The following MACROD2 variants were observed in gnomAD, a reference collection of about 807,000 sequenced individuals.
The protein encoded by MACROD2 is ADP-ribose glycohydrolase MACROD2.
Under a neutral mutation model 70.4 loss-of-function variants are expected in MACROD2, and 36 were observed. That is an observed-to-expected ratio of 0.51 (90% CI 0.39 to 0.68). The LOEUF (loss-of-function observed/expected upper bound fraction) is 0.68. MACROD2 is among the 30% of genes least tolerant of loss of function. The probability of loss-of-function intolerance (pLI) is 0.00; values close to 1 mark genes in which losing one functional copy is unlikely to be tolerated. For missense variants in MACROD2, 496 were observed against 538.4 expected, an observed-to-expected ratio of 0.92 and a Z score of 0.78; for synonymous variants, 172 against 178.8, an observed-to-expected ratio of 0.96 and a Z score of 0.30.
intron 6 of MACROD2, among the ~76,000 whole-genome samples, chr20:15,385,512 CCTGTTTATTTCCCTACAT>C (rs1310013248): frequency 1.6e-4 from 24 of 152,070 alleles, no homozygotes; most frequent in Admixed American, 1.3e-4. Context: ...GACATACTTA[CCTGTTTATTTCCCTACAT>C]CTGTTTATTT....
intron 5 of MACROD2, among the ~76,000 whole-genome samples, chr20:15,193,801 G>A (rs2076587398): frequency 6.6e-6 from 1 of 151,864 alleles, no homozygotes; most frequent in Non-Finnish European, 1.5e-5. Context: ...ATGTACAAAG[G>A]AGCGGGTGAG....
intron 6 of MACROD2, among the ~76,000 whole-genome samples, chr20:15,422,073 A>C (rs1165136511): frequency 6.6e-6 from 1 of 152,152 alleles, no homozygotes; most frequent in Admixed American, 6.5e-5. Flanking sequence ...GAACAAAAGG[A>C]GACCAATGTG....
At chr20:14,214,771 A>C (rs555426578) in intron 3 of MACROD2, among the ~76,000 whole-genome samples, 36 of 151,898 alleles carry the variant, frequency 2.4e-4, no homozygotes, top group Non-Finnish European at 8.8e-5. Context: ...TCTTTCCCCC[A>C]AGTACCCAGA....
chr20:15,634,258 G>A (rs1375408346), intron 8 of MACROD2, among the ~76,000 whole-genome samples: 1 of 152,198 alleles, frequency 6.6e-6, no homozygotes, highest in African/African-American at 2.4e-5. Context: ...TATTGGAGTG[G>A]CTAATTGGAA....
intron 3 of MACROD2, among the ~76,000 whole-genome samples, chr20:14,195,025 C>T (rs1399144777): frequency 6.6e-6 from 1 of 151,980 alleles, no homozygotes; most frequent in Non-Finnish European, 1.5e-5. Flanking sequence ...CTCAGAAGAT[C>T]CTTTTTTCCT....
intron 6 of MACROD2, among the ~76,000 whole-genome samples, chr20:15,328,720 C>G (rs1242620543): frequency 2.6e-5 from 4 of 152,066 alleles, no homozygotes; most frequent in Non-Finnish European, 5.9e-5. Flanking sequence ...AATTGAATTC[C>G]TTAGATGCCA....
Position 14,073,334 on chromosome 20 carries a change from CA to C in MACROD2, c.164-12275del, listed in dbSNP as rs879879856. ...CTGGTGACAGAGTGAGACTCCATCT[CA>C]AAAAAAAAAAATGAAATTATGATTC... On this transcript the variant is annotated intron_variant, in intron 2 of 17. Coordinates refer to ENST00000684519, the MANE Select transcript of MACROD2 (RefSeq NM_001351661.2). Among the ~76,000 whole-genome samples, 342 of 130,226 alleles carry C rather than the reference CA, an allele frequency of 2.6e-3. 1 individual carries two copies. The highest frequency in any genetic ancestry group is 0.012 in the Middle Eastern group (3 of 244). The allele number at this position is 130,226 out of a possible 152,430, so 85.4% of individuals were successfully genotyped here. A position where few individuals can be genotyped will look rare whatever the true frequency, so the allele number is the denominator to read the frequency against.
chr20:15,724,727 C>T (rs1349243617), intron 8 of MACROD2, among the ~76,000 whole-genome samples: 1 of 152,094 alleles, frequency 6.6e-6, no homozygotes, highest in African/African-American at 2.4e-5. Context: ...GTCTGTCTTC[C>T]AGCTTTGTTC....
chr20:14,438,265 A>G (rs1168183136), intron 3 of MACROD2, among the ~76,000 whole-genome samples: 3 of 152,186 alleles, frequency 2.0e-5, no homozygotes, highest in Non-Finnish European at 2.9e-5. Context: ...TCTTTAAGGC[A>G]GAATAATATT....
chr20:15,292,919 A>T (rs2077553988), intron 6 of MACROD2, among the ~76,000 whole-genome samples: 1 of 152,164 alleles, frequency 6.6e-6, no homozygotes, highest in African/African-American at 2.4e-5. Flanking sequence ...AATTCTTAAC[A>T]TCAGGTTTGG....
Position 14,859,766 on chromosome 20 carries a change from A to G in MACROD2, c.418+174807A>G, listed in dbSNP as rs560215895. On this transcript the variant is annotated intron_variant, in intron 5 of 17. Transcript: ENST00000684519. The stretch of plus-strand genomic sequence containing the variant: ...GTTTCAACTTACTAGTTAGCTCTGT[A>G]AATATCATTTATGAGACTGACCCAT... Among the ~76,000 whole-genome samples the G allele has an allele frequency of 2.0e-5, 3 of 152,266 alleles. No individual in the cohort carries two copies. The East Asian group carries it at 5.8e-4, about 29-fold the overall frequency.
chr20:15,378,897 G>A (rs73267079), intron 6 of MACROD2, among the ~76,000 whole-genome samples: 1,764 of 152,220 alleles, frequency 0.012, 33 homozygotes, highest in African/African-American at 0.04. Flanking sequence ...TCATAAAACT[G>A]CAAAGATGAC....
At chr20:15,220,140 G>C (rs1023313513) in intron 5 of MACROD2, among the ~76,000 whole-genome samples, 1 of 152,104 alleles carries the variant, frequency 6.6e-6, no homozygotes, top group African/African-American at 2.4e-5. Flanking sequence ...TTTCTATGAA[G>C]AAACAGCTTT....
At chr20:14,233,529 A>G (rs1601382147) in intron 3 of MACROD2, among the ~76,000 whole-genome samples, 1 of 9,468 alleles carries the variant, frequency 1.1e-4, no homozygotes, top group African/African-American at 1.4e-4. Context: ...CGTCTCTACT[A>G]AAAAAAAAAA....
At chr20:14,984,089 C>A (rs2074826878) in intron 5 of MACROD2, among the ~76,000 whole-genome samples, 1 of 152,168 alleles carries the variant, frequency 6.6e-6, no homozygotes, top group Non-Finnish European at 1.5e-5. Flanking sequence ...ACTCTGAATA[C>A]CTACTTAAGT....
chr20:14,519,101 G>C (rs1467858937), intron 4 of MACROD2, among the ~76,000 whole-genome samples: 8 of 152,102 alleles, frequency 5.3e-5, no homozygotes, highest in Non-Finnish European at 1.0e-4. Context: ...AATGACTAAA[G>C]TACTAAGTTA....
intron 5 of MACROD2, among the ~76,000 whole-genome samples, chr20:14,930,591 G>A (rs559527885): frequency 4.6e-5 from 7 of 152,064 alleles, no homozygotes. Context: ...GATGGTGCAT[G>A]TCAAATGCCT....
chr20:15,451,921 C>T (rs541717914), intron 7 of MACROD2, among the ~76,000 whole-genome samples: 8 of 152,194 alleles, frequency 5.3e-5, no homozygotes, highest in East Asian at 3.9e-4. Context: ...GAGAAAGAGG[C>T]GCTAGATAGT....
chr20:15,212,760 A>G (rs2076775323), intron 5 of MACROD2, among the ~76,000 whole-genome samples: 2 of 151,924 alleles, frequency 1.3e-5, no homozygotes, highest in South Asian at 4.2e-4. Context: ...ATATAGTACA[A>G]CTCTACATTT....
Sources: gnomAD v4.1 joint callset for allele counts (sites outside exome capture counted in the v4.1 genomes callset) on GRCh38, gnomAD v4.1.1 for gene constraint, MANE v1.5 for transcripts, NCBI Gene and HGNC (gene_info 2026-07-23, HGNC 2026-07-21) for gene names.